CBX7: variants seen among roughly 807,000 people sequenced by gnomAD.
The protein encoded by CBX7 is chromobox protein homolog 7.
CBX7 carries 14 observed loss-of-function variants against 31.4 expected under a neutral mutation model. The observed-to-expected ratio is 0.45, with a 90% CI of 0.29 to 0.70. CBX7 has a LOEUF of 0.70. Among genes scored for constraint, CBX7 ranks in the 30% least tolerant of loss-of-function variants. The pLI is 0.11. For missense variants in CBX7, 269 were observed against 351.9 expected, an observed-to-expected ratio of 0.76 and a Z score of 1.89; for synonymous variants, 159 against 152.6, an observed-to-expected ratio of 1.04 and a Z score of -0.31.
chr22:39,146,503 A>C (rs563944971), intron 2 of CBX7, among the ~76,000 whole-genome samples: 1 of 152,348 alleles, frequency 6.6e-6, no homozygotes, highest in East Asian at 1.9e-4. Context: ...AAACCTTCAG[A>C]GGTGGAAAGC....
At chr22:39,146,287 G>A (rs877529) in intron 2 of CBX7, among the ~76,000 whole-genome samples, 64,078 of 152,154 alleles carry the variant, frequency 0.42, 13,832 homozygotes, top group African/African-American at 0.47. Flanking sequence ...AAAGCCCAGG[G>A]AGCGTAAAAG....
chr22:39,144,933 G>T (rs948926581), intron 2 of CBX7, among the ~76,000 whole-genome samples: 4 of 152,222 alleles, frequency 2.6e-5, no homozygotes, highest in African/African-American at 9.6e-5. Context: ...AGGTTGGGCA[G>T]CCAGCCCAGC....
chr22:39,134,422 C>A lies in CBX7; in HGVS notation c.577G>T (p.Ala193Ser), dbSNP rs1171939259. ...TTACCCTCCTCTTCAGGGGGCTGCG[C>A]AGCAGGCTCCCACTCGCCAGCCGCC... ...LQAAGEWEPA[A>S]QPPEEEADAD... Residue 193 changes from alanine (A) to serine (S), a missense_variant, in exon 5 of 6, where the codon GCG (alanine) becomes TCG (serine). Physicochemically the swap from Ala to Ser is moderately conservative, Grantham distance 99. Coordinates refer to ENST00000216133, the MANE Select transcript of CBX7 (RefSeq NM_175709.5). The A allele has an allele frequency of 6.2e-7, 1 of 1,601,420 alleles. No individual in the cohort carries two copies. Among genetic ancestry groups the A allele is most frequent in the Non-Finnish European group, 8.5e-7 (1 of 1,179,478 alleles).
At chr22:39,145,854 G>T (rs1173357515) in intron 2 of CBX7, among the ~76,000 whole-genome samples, 1 of 151,914 alleles carries the variant, frequency 6.6e-6, no homozygotes, top group African/African-American at 2.4e-5. Flanking sequence ...GCCGCGCAGG[G>T]CTCGCCCTGC....
chr22:39,146,569 C>T (rs1163753821), intron 2 of CBX7, among the ~76,000 whole-genome samples: 1 of 152,250 alleles, frequency 6.6e-6, no homozygotes, highest in African/African-American at 2.4e-5. Flanking sequence ...TCCTAGTCAT[C>T]TCTAGTGGAG....
chr22:39,145,770 A>G (rs1282905111), intron 2 of CBX7, among the ~76,000 whole-genome samples: 1 of 149,970 alleles, frequency 6.7e-6, no homozygotes, highest in Admixed American at 6.6e-5. Flanking sequence ...GCTCCGAGAT[A>G]AACACGGCCA....
rs1930012535 is a variant in CBX7 at position 39,130,902 on chromosome 22, C to T, written c.*2989G>A. The T allele has an allele frequency of 6.6e-6, 1 of 152,570 alleles. No individual in the cohort carries two copies. Among genetic ancestry groups the T allele is most frequent in the Admixed American group, 6.5e-5 (1 of 15,278 alleles). 9.5% of individuals were successfully genotyped at this position (152,570 alleles called of 1,614,324 possible). ...GTCAGTACAAAAATAAAACCGCGCT[C>T]TACATCCACTCTGACTCTCCCAGCA... On this transcript the variant is annotated 3_prime_UTR_variant, in exon 6 of 6. Coordinates refer to ENST00000216133, the MANE Select transcript of CBX7 (RefSeq NM_175709.5).
At chr22:39,144,216 T>C (rs752404531) in intron 2 of CBX7, among the ~76,000 whole-genome samples, 28 of 152,172 alleles carry the variant, frequency 1.8e-4, no homozygotes, top group Non-Finnish European at 3.8e-4. Flanking sequence ...CCACTTGGTG[T>C]CGGGCCTCTA....
rs1292113219 is a variant in CBX7 at position 39,134,645 on chromosome 22, G to A, written c.354C>T (p.Val118=). 6.3e-7 allele frequency: 1 copy of A among 1,588,668 alleles called. No homozygotes were observed. Among genetic ancestry groups the A allele is most frequent in the East Asian group, 2.3e-5 (1 of 43,590 alleles). Residue 118 remains valine, a synonymous_variant, in exon 5 of 6, where the codon GTC becomes GTT. Coordinates refer to ENST00000216133, the MANE Select transcript of CBX7 (RefSeq NM_175709.5). The part of the protein sequence containing the change: ...PLGSGSPEGV[V]KAGAPELVDK... ...CCACCAGCTCAGGTGCCCCCGCCTT[G>A]ACCACCCCCTCAGGGCTCCCGCTGC...
At chr22:39,145,333 G>A (rs1930608688) in intron 2 of CBX7, among the ~76,000 whole-genome samples, 2 of 152,154 alleles carry the variant, frequency 1.3e-5, no homozygotes, top group South Asian at 4.1e-4. Flanking sequence ...CAAGGGGAAC[G>A]CGCTTCCGAA....
intron 2 of CBX7, 129 bp from the exon 3 acceptor site, chr22:39,141,565 A>G (rs1930457950): frequency 7.8e-6 from 5 of 640,732 alleles, no homozygotes; most frequent in South Asian, 3.4e-5. Context: ...CCTGGCCAAC[A>G]TGGCAAAACC....
At position 39,134,410 on chromosome 22, in the gene CBX7, C is replaced by T. The variant is rs1338153360; in HGVS notation, c.589G>A (p.Glu197Lys). The T allele has an allele frequency of 6.3e-7, 1 of 1,599,208 alleles. No individual in the cohort carries two copies. Among genetic ancestry groups the T allele is most frequent in the African/African-American group, 1.3e-5 (1 of 74,908 alleles). The change falls in exon 5 of 6, where the codon GAA (glutamate) becomes AAA (lysine). Residue 197 changes from glutamate (E) to lysine (K), a missense_variant. Physicochemically the swap from Glu to Lys is moderately conservative, Grantham distance 56. Transcript: ENST00000216133. ...GEWEPAAQPP[E>K]EEADADLAEG... ...GCTGGGGCCGCCTTACCCTCCTCTTCAGGGGGCTGCGCAGCAGGCTCCCAC... is the reference window on the plus strand; with the variant it reads ...GCTGGGGCCGCCTTACCCTCCTCTTTAGGGGGCTGCGCAGCAGGCTCCCAC...
chr22:39,143,926 C>T (rs1158068826), intron 2 of CBX7, among the ~76,000 whole-genome samples: 1 of 152,194 alleles, frequency 6.6e-6, no homozygotes, highest in Non-Finnish European at 1.5e-5. Context: ...TGTCATTAAC[C>T]GACGTGTGAC....
intron 2 of CBX7, among the ~76,000 whole-genome samples, chr22:39,144,080 C>T (rs541909251): frequency 6.6e-6 from 1 of 152,096 alleles, no homozygotes; most frequent in Admixed American, 6.5e-5. Flanking sequence ...CTGCCGCCTC[C>T]CAATCCCTAG....
At chr22:39,135,950 T>C (rs139389) in intron 4 of CBX7, 104,532 of 152,038 alleles carry the variant, frequency 0.69, 37,236 homozygotes, top group African/African-American at 0.9. Flanking sequence ...ATTAGCCGGG[T>C]GTGGTGGCAG....
rs1024529626 is a variant in CBX7, at chr22:39,130,896, C to G, written c.*2995G>C. The G allele has an allele frequency of 6.6e-6, 1 of 152,340 alleles. No homozygotes were observed. The highest frequency in any genetic ancestry group is 2.4e-5 in the African/African-American group (1 of 41,310). 9.4% of individuals were successfully genotyped at this position (152,340 alleles called of 1,614,324 possible). The stretch of plus-strand genomic sequence containing the variant: ...ACCAATGTCAGTACAAAAATAAAAC[C>G]GCGCTCTACATCCACTCTGACTCTC... On this transcript the variant is annotated 3_prime_UTR_variant, in exon 6 of 6. Coordinates refer to ENST00000216133, the MANE Select transcript of CBX7 (RefSeq NM_175709.5).
At chr22:39,138,992 G>C (rs932949629) in intron 3 of CBX7, among the ~76,000 whole-genome samples, 1 of 152,186 alleles carries the variant, frequency 6.6e-6, no homozygotes, top group Non-Finnish European at 1.5e-5. Flanking sequence ...GGCCATGTGC[G>C]GGCTCTGCTC....
At chr22:39,147,086 CTTTTTTTTTTTTTTTT>C (rs34901545) in intron 2 of CBX7, 5 of 62,334 alleles carry the variant, frequency 8.0e-5, no homozygotes, top group African/African-American at 2.3e-4. Flanking sequence ...AAAGTGTCCA[CTTTTTTTTTTTTTTTT>C]TTTTTTTTTT....
In CBX7 at chr22:39,131,532, C is replaced by T. The variant is rs1420731730; in HGVS notation, c.*2359G>A. 6.6e-6 allele frequency: 1 copy of T among 152,588 alleles called. No homozygotes were observed. The highest frequency in any genetic ancestry group is 1.5e-5 in the Non-Finnish European group (1 of 68,172). The allele number at this position is 152,588 out of a possible 1,614,324, so 9.5% of individuals were successfully genotyped here. A position where few individuals can be genotyped will look rare whatever the true frequency, so the allele number is the denominator to read the frequency against. Reference sequence around the variant, plus strand: ...CCCCCAGGGAGCTGGCTCACTACAGCCCATGAGCCACCTGGCTGCCCTGAG... The same window carrying T: ...CCCCCAGGGAGCTGGCTCACTACAGTCCATGAGCCACCTGGCTGCCCTGAG... On this transcript the variant is annotated 3_prime_UTR_variant, in exon 6 of 6. Transcript: ENST00000216133.
Sources: gnomAD v4.1 joint callset for allele counts (sites outside exome capture counted in the v4.1 genomes callset) on GRCh38, gnomAD v4.1.1 for gene constraint, MANE v1.5 for transcripts, NCBI Gene and HGNC (gene_info 2026-07-23, HGNC 2026-07-21) for gene names.